SUSD6: variants seen among roughly 807,000 people sequenced by gnomAD.
SUSD6 encodes the protein sushi domain-containing protein 6.
In SUSD6, 16 loss-of-function variants were observed where a neutral mutation model predicts 28.4. The ratio of observed to expected loss-of-function variants is 0.56; its 90% CI spans 0.38 to 0.86. The LOEUF (loss-of-function observed/expected upper bound fraction) is 0.86, where lower values mean the gene tolerates loss of function less well. Among genes scored for constraint, SUSD6 ranks in the 40% least tolerant of loss-of-function variants. The probability of loss-of-function intolerance (pLI) is 0.00; values close to 1 mark genes in which losing one functional copy is unlikely to be tolerated. For missense variants in SUSD6, 341 were observed against 384.2 expected (o/e 0.89, Z 0.94); for synonymous variants, 147 against 159.6 (o/e 0.92, Z 0.59).
At chr14:69,651,791 A>AG (rs1885507307) in intron 1 of SUSD6, among the ~76,000 whole-genome samples, 1 of 152,178 alleles carries the variant, frequency 6.6e-6, no homozygotes, top group Non-Finnish European at 1.5e-5. Flanking sequence ...AGGAGTACAG[A>AG]GGGGAGATGT....
At chr14:69,684,351 C>G (rs977621185) in intron 2 of SUSD6, among the ~76,000 whole-genome samples, 1 of 152,166 alleles carries the variant, frequency 6.6e-6, no homozygotes, top group African/African-American at 2.4e-5. Context: ...AAAGGAGGAT[C>G]AGTCAAAAAG....
intron 2 of SUSD6, among the ~76,000 whole-genome samples, chr14:69,674,763 CT>C (rs1347343542): frequency 3.9e-5 from 6 of 152,134 alleles, no homozygotes; most frequent in Non-Finnish European, 8.8e-5. Context: ...TTAGTACAGC[CT>C]GCCTGGCCCT....
intron 1 of SUSD6, among the ~76,000 whole-genome samples, chr14:69,626,971 C>T (rs900926850): frequency 8.5e-5 from 13 of 152,072 alleles, no homozygotes; most frequent in East Asian, 5.8e-4. Context: ...AGGCATGAGC[C>T]ACTGCAACTG....
In SUSD6 at chr14:69,711,101, A is replaced by G; in HGVS notation, c.*122A>G. 1 of 973,030 alleles carries G rather than the reference A, an allele frequency of 1.0e-6. No individual in the cohort carries two copies. The highest frequency in any genetic ancestry group is 1.6e-6 in the Non-Finnish European group (1 of 607,940). 60.3% of individuals were successfully genotyped at this position (973,030 alleles called of 1,614,324 possible). ...TGGATACCTGAGCTGCCACCTGTGT[A>G]TCTGTGTATCTCTGAGGGCCCTATA... On this transcript the variant is annotated 3_prime_UTR_variant, in exon 6 of 6. Transcript: ENST00000342745.
chr14:69,629,605 C>T (rs1169434035), intron 1 of SUSD6, among the ~76,000 whole-genome samples: 1 of 152,202 alleles, frequency 6.6e-6, no homozygotes, highest in Non-Finnish European at 1.5e-5. Context: ...TGCAGATGCT[C>T]CTTTTCCTCT....
At chr14:69,617,153 A>G (rs144007821) in intron 1 of SUSD6, 9 of 152,320 alleles carry the variant, frequency 5.9e-5, no homozygotes, top group Admixed American at 2.6e-4. Flanking sequence ...ATTCTGTTGT[A>G]TTGATATACC....
At chr14:69,623,630 G>A (rs537772315) in intron 1 of SUSD6, among the ~76,000 whole-genome samples, 47 of 152,278 alleles carry the variant, frequency 3.1e-4, no homozygotes, top group African/African-American at 1.1e-3. Flanking sequence ...AGGTTTTCCA[G>A]GAGGCATTGT....
intron 1 of SUSD6, among the ~76,000 whole-genome samples, chr14:69,614,021 T>C (rs547916848): frequency 6.6e-6 from 1 of 152,356 alleles, no homozygotes; most frequent in African/African-American, 2.4e-5. Flanking sequence ...CTTTGTCTGT[T>C]TTCCTGGTCA....
In SUSD6 at chr14:69,711,326, G is replaced by A. The variant is rs1566609747; in HGVS notation, c.*347G>A. The A allele has an allele frequency of 5.4e-6, 2 of 371,028 alleles. No individual in the cohort carries two copies. The highest frequency in any genetic ancestry group is 2.1e-5 in the African/African-American group (1 of 48,410). The allele number at this position is 371,028 out of a possible 1,614,324, so 23.0% of individuals were successfully genotyped here. A position where few individuals can be genotyped will look rare whatever the true frequency, so the allele number is the denominator to read the frequency against. Reference sequence around the variant, plus strand: ...CGGCAGCCCCCACCAGCTCCTGTGGGCCTGAGTGCTGCTGTGTTTACTTGT... The same window carrying A: ...CGGCAGCCCCCACCAGCTCCTGTGGACCTGAGTGCTGCTGTGTTTACTTGT... On this transcript the variant is annotated 3_prime_UTR_variant, in exon 6 of 6. Coordinates refer to ENST00000342745, the MANE Select transcript of SUSD6 (RefSeq NM_014734.4).
At chr14:69,704,348 T>G (rs948677352) in intron 3 of SUSD6, among the ~76,000 whole-genome samples, 1 of 152,180 alleles carries the variant, frequency 6.6e-6, no homozygotes, top group Non-Finnish European at 1.5e-5. Flanking sequence ...TTAAGTGAGT[T>G]TATGTGTCAG....
intron 2 of SUSD6, among the ~76,000 whole-genome samples, chr14:69,685,920 G>A (rs936859988): frequency 2.0e-5 from 3 of 152,218 alleles, no homozygotes; most frequent in South Asian, 2.1e-4. Context: ...TTGAGCAGTC[G>A]TGAGGTGTGG....
At chr14:69,686,232 GAAT>G (rs1886071348) in intron 2 of SUSD6, among the ~76,000 whole-genome samples, 1 of 152,160 alleles carries the variant, frequency 6.6e-6, no homozygotes. Flanking sequence ...CATAGCCAAA[GAAT>G]AATGTCTAAA....
intron 2 of SUSD6, among the ~76,000 whole-genome samples, chr14:69,690,650 G>A (rs1346409439): frequency 6.6e-6 from 1 of 152,162 alleles, no homozygotes; most frequent in African/African-American, 2.4e-5. Context: ...AAGTGCAAAG[G>A]AAACCAAGAA....
chr14:69,674,403 G>A (rs1258152306), intron 2 of SUSD6, among the ~76,000 whole-genome samples: 6 of 151,992 alleles, frequency 3.9e-5, no homozygotes, highest in African/African-American at 9.7e-5. Flanking sequence ...TGCCCTCCTC[G>A]CTTCCATCCT....
intron 1 of SUSD6, among the ~76,000 whole-genome samples, chr14:69,635,002 C>T (rs1885243355): frequency 6.6e-6 from 1 of 152,144 alleles, no homozygotes; most frequent in Non-Finnish European, 1.5e-5. Flanking sequence ...AAGATAATGG[C>T]TTAAGTTTAT....
In SUSD6 at chr14:69,645,452, T is replaced by TTTG. The variant is rs376593239; in HGVS notation, c.-80-13051_-80-13049dup. On this transcript the variant is annotated intron_variant, in intron 1 of 5. Coordinates refer to ENST00000342745, the MANE Select transcript of SUSD6 (RefSeq NM_014734.4). ...GGAGGGGATGATGGGGTAGAGAGAC[T>TTTG]TTGTTGTTGTTGAACACTAAGGAAG... 1.9e-3 allele frequency among the ~76,000 whole-genome samples: 288 copies of TTTG among 152,286 alleles called. 1 individual carries two copies. The highest frequency in any genetic ancestry group is 3.3e-3 in the Admixed American group (51 of 15,300).
chr14:69,619,437 A>G (rs1885003766), intron 1 of SUSD6, among the ~76,000 whole-genome samples: 1 of 151,994 alleles, frequency 6.6e-6, no homozygotes, highest in Admixed American at 6.6e-5. Flanking sequence ...TTAACTTTTA[A>G]ATCTCTGTGC....
intron 1 of SUSD6, among the ~76,000 whole-genome samples, chr14:69,639,313 CAAAAAA>C (rs57837741): frequency 2.2e-4 from 12 of 54,590 alleles, no homozygotes; most frequent in African/African-American, 3.3e-4. Flanking sequence ...GACTCCGTCT[CAAAAAA>C]AAAAAAAAAA....
At chr14:69,670,097 A>T (rs114323653) in intron 2 of SUSD6, among the ~76,000 whole-genome samples, 2 of 152,140 alleles carry the variant, frequency 1.3e-5, no homozygotes, top group Admixed American at 1.3e-4. Flanking sequence ...TTGTATTTTC[A>T]TGAGTGTTAA....
Sources: gnomAD v4.1 joint callset for allele counts (sites outside exome capture counted in the v4.1 genomes callset) on GRCh38, gnomAD v4.1.1 for gene constraint, MANE v1.5 for transcripts, NCBI Gene and HGNC (gene_info 2026-07-23, HGNC 2026-07-21) for gene names.